Variants in NAV3 observed in about 807,000 individuals in gnomAD.
The protein encoded by NAV3 is neuron navigator 3.
NAV3 carries 87 observed loss-of-function variants against 244.7 expected under a neutral mutation model. The observed-to-expected ratio is 0.36, with a 90% CI of 0.30 to 0.42. The LOEUF is 0.42. NAV3 is among the 20% of genes least tolerant of loss of function. The pLI is 1.00. For synonymous variants in NAV3, 1,126 were observed against 1,042.2 expected (o/e 1.08, Z -1.55); for missense variants, 2,663 against 2,893.3 (o/e 0.92, Z 1.83).
At position 78,021,828 on chromosome 12, in the gene NAV3, T is replaced by C. The variant is rs114329802; in HGVS notation, c.1989T>C (p.Ser663=). The part of the protein sequence containing the change: ...TSPTKMDLSY[S]KTAKQCLEEI... The stretch of plus-strand genomic sequence containing the variant: ...CTACAAAGATGGACTTATCATATAG[T>C]AAGACTGCTAAGCAGTGCCTGGAGG... The change falls in exon 9 of 40, where the codon AGT becomes AGC. Residue 663 remains serine, a synonymous_variant. Transcript: ENST00000397909. The C allele has an allele frequency of 2.0e-5, 32 of 1,610,756 alleles. No individual in the cohort carries two copies. The African/African-American group carries it at 4.1e-4, about 21-fold the overall frequency.
In NAV3 at chr12:77,658,168, T is replaced by G. The variant is rs543810235; in HGVS notation, c.72+85902T>G. 6.0e-3 allele frequency among the ~76,000 whole-genome samples: 910 copies of G among 152,088 alleles called. 27 individuals carry two copies. In the East Asian group the frequency reaches 0.097, roughly 16 times the overall value. On this transcript the variant is annotated intron_variant, in intron 2 of 8. Transcript: ENST00000550042. ...AATTAGGAAAAGAGGAAGTCAAATT[T>G]TCCCTGTTTGCAGACGACATGATTG...
chr12:77,952,370 A>G (rs572343595), intron 3 of NAV3, among the ~76,000 whole-genome samples: 1 of 152,154 alleles, frequency 6.6e-6, no homozygotes, highest in East Asian at 1.9e-4. Flanking sequence ...GCTTCATTGT[A>G]TTGCCTTTGC....
chr12:78,140,434 T>C (rs1956556678), intron 20 of NAV3, 100 bp downstream of exon 20: 11 of 1,066,530 alleles, frequency 1.0e-5, no homozygotes, highest in Admixed American at 7.1e-5. Flanking sequence ...ATCTATGACT[T>C]GCACAGGAGT....
At chr12:78,009,602 A>G (rs1307995533) in intron 8 of NAV3, among the ~76,000 whole-genome samples, 3 of 152,134 alleles carry the variant, frequency 2.0e-5, no homozygotes, top group African/African-American at 2.4e-5. Context: ...TCATATATGT[A>G]AAGATTCTGA....
chr12:77,684,044 C>T (rs1286579865), intron 2 of NAV3, among the ~76,000 whole-genome samples: 1 of 152,132 alleles, frequency 6.6e-6, no homozygotes, highest in Non-Finnish European at 1.5e-5. Flanking sequence ...AACAATTTTA[C>T]ACTCCCACTA....
chr12:77,749,143 A>G (rs974495611), intron 2 of NAV3, among the ~76,000 whole-genome samples: 5 of 152,232 alleles, frequency 3.3e-5, no homozygotes, highest in African/African-American at 1.2e-4. Flanking sequence ...AGTTTTACCC[A>G]GAACTACTGG....
chr12:77,600,852 G>A (rs1870397406), intron 2 of NAV3, among the ~76,000 whole-genome samples: 1 of 151,858 alleles, frequency 6.6e-6, no homozygotes, highest in African/African-American at 2.4e-5. Flanking sequence ...GCAAATTTAT[G>A]GGTATTTTTA....
intron 24 of NAV3, among the ~76,000 whole-genome samples, chr12:78,169,239 G>T (rs144525869): frequency 7.2e-5 from 11 of 151,764 alleles, no homozygotes; most frequent in African/African-American, 2.4e-4. Flanking sequence ...TGATAATCTA[G>T]ATCTGTATTT....
At chr12:77,900,592 T>A (rs1885172646) in intron 1 of NAV3, among the ~76,000 whole-genome samples, 1 of 152,032 alleles carries the variant, frequency 6.6e-6, no homozygotes, top group South Asian at 2.1e-4. Flanking sequence ...GTGTGTGTAT[T>A]ATATTTTCTT....
At chr12:77,665,018 C>A (rs1480863968) in intron 2 of NAV3, among the ~76,000 whole-genome samples, 1 of 152,178 alleles carries the variant, frequency 6.6e-6, no homozygotes, top group Non-Finnish European at 1.5e-5. Flanking sequence ...CAGGTGCACA[C>A]CCCCTCGCCT....
intron 2 of NAV3, among the ~76,000 whole-genome samples, chr12:77,776,175 T>C (rs1386107102): frequency 6.6e-6 from 1 of 152,186 alleles, no homozygotes; most frequent in Non-Finnish European, 1.5e-5. Flanking sequence ...TGAGAGCCAA[T>C]GGAATAAATT....
chr12:77,636,382 C>T (rs917182450), intron 2 of NAV3, among the ~76,000 whole-genome samples: 6 of 150,500 alleles, frequency 4.0e-5, no homozygotes, highest in African/African-American at 1.5e-4. Flanking sequence ...AGGAGAATGA[C>T]GTCTACCTGG....
chr12:77,644,977 G>A (rs1872555186), intron 2 of NAV3, among the ~76,000 whole-genome samples: 1 of 151,988 alleles, frequency 6.6e-6, no homozygotes, highest in Non-Finnish European at 1.5e-5. Context: ...TTTACCCAAG[G>A]TCTCTAAAAA....
intron 2 of NAV3, among the ~76,000 whole-genome samples, chr12:77,606,919 G>C (rs1328650209): frequency 6.6e-6 from 1 of 152,044 alleles, no homozygotes; most frequent in East Asian, 1.9e-4. Flanking sequence ...AGTGGTCAAG[G>C]TATAGAATAT....
At chr12:78,166,495 A>T (rs1957786702) in intron 23 of NAV3, among the ~76,000 whole-genome samples, 2 of 151,784 alleles carry the variant, frequency 1.3e-5, no homozygotes, top group African/African-American at 4.8e-5. Flanking sequence ...TAACAGTATG[A>T]ATTTGGTTGA....
intron 1 of NAV3, among the ~76,000 whole-genome samples, chr12:77,920,186 A>G (rs1887569410): frequency 6.6e-6 from 1 of 152,028 alleles, no homozygotes; most frequent in African/African-American, 2.4e-5. Context: ...AAGAGTAACA[A>G]TAAAACCTTC....
chr12:78,083,438 C>A (rs572325434), intron 12 of NAV3, among the ~76,000 whole-genome samples: 3 of 152,306 alleles, frequency 2.0e-5, no homozygotes, highest in South Asian at 4.1e-4. Flanking sequence ...GCTATCCCTC[C>A]TAGTTATCAT....
intron 2 of NAV3, among the ~76,000 whole-genome samples, chr12:77,784,334 C>T (rs1870806419): frequency 6.6e-6 from 1 of 152,118 alleles, no homozygotes; most frequent in South Asian, 2.1e-4. Context: ...GAACAGACTT[C>T]CATGATATCT....
At chr12:77,777,568 T>C (rs1389486958) in intron 2 of NAV3, among the ~76,000 whole-genome samples, 1 of 152,204 alleles carries the variant, frequency 6.6e-6, no homozygotes, top group Non-Finnish European at 1.5e-5. Flanking sequence ...AACTCATGAA[T>C]TGTTTATTTT....
Sources: gnomAD v4.1 joint callset for allele counts (sites outside exome capture counted in the v4.1 genomes callset) on GRCh38, gnomAD v4.1.1 for gene constraint, MANE v1.5 for transcripts, NCBI Gene and HGNC (gene_info 2026-07-23, HGNC 2026-07-21) for gene names.